REL: variants seen among roughly 807,000 people sequenced by gnomAD.
REL encodes the protein proto-oncogene c-Rel.
A neutral mutation model predicts 45.9 loss-of-function variants in REL; 15 were observed. That is an observed-to-expected ratio of 0.33 (90% CI 0.22 to 0.50). REL has a LOEUF of 0.50. Among genes scored for constraint, REL ranks in the 20% least tolerant of loss-of-function variants. REL has a pLI of 0.98. For synonymous variants in REL, 239 were observed against 242.1 expected (o/e 0.99, Z 0.12); for missense variants, 601 against 715.2 (o/e 0.84, Z 1.82).
Position 60,925,809 on chromosome 2 carries a change from C to G in REL, c.*3274C>G, listed in dbSNP as rs992018509. ...GGTTTTTTTCTTTAAACTAATTAAGCGTTGGCTACTTAGTATAAGTAAGTA... is the reference window on the plus strand; with the variant it reads ...GGTTTTTTTCTTTAAACTAATTAAGGGTTGGCTACTTAGTATAAGTAAGTA... On this transcript the variant is annotated 3_prime_UTR_variant, in exon 10 of 10. Transcript: ENST00000394479. The G allele has an allele frequency of 1.4e-5, 3 of 211,888 alleles. No homozygotes were observed. The highest frequency in any genetic ancestry group is 2.3e-5 in the African/African-American group (1 of 43,924). 13.1% of individuals were successfully genotyped at this position (211,888 alleles called of 1,614,324 possible).
intron 1 of REL, among the ~76,000 whole-genome samples, chr2:60,887,067 A>G (rs1421149447): frequency 6.6e-6 from 1 of 152,092 alleles, no homozygotes; most frequent in African/African-American, 2.4e-5. Flanking sequence ...TTTCCCTACA[A>G]TTTCCTGATT....
At chr2:60,904,116 T>C (rs1459156276) in intron 4 of REL, among the ~76,000 whole-genome samples, 3 of 151,746 alleles carry the variant, frequency 2.0e-5, no homozygotes, top group South Asian at 2.1e-4. Flanking sequence ...AATAAGAAAA[T>C]GGAAGCATAG....
rs1674165118 is a variant in REL at position 60,922,317 on chromosome 2, G to A, written c.1546G>A (p.Ala516Thr). 6 of 1,613,954 alleles carry A rather than the reference G, an allele frequency of 3.7e-6. No homozygotes were observed. The highest frequency in any genetic ancestry group is 2.7e-5 in the African/African-American group (2 of 74,906). The change falls in exon 10 of 10, where the codon GCC becomes ACC. Residue 516 changes from alanine to threonine, a missense_variant. Physicochemically the swap from Ala to Thr is moderately conservative, Grantham distance 58. Coordinates refer to ENST00000394479, the MANE Select transcript of REL (RefSeq NM_001291746.2). ...GTCCTCTTCCAGTATGTCAGCAGGC[G>A]CCAATTCCAATACTACTGTTTTTGT... ...QMSSSSMSAG[A>T]NSNTTVFVSQ...
chr2:60,899,769 G>A (rs1468074014), intron 3 of REL: 2 of 152,262 alleles, frequency 1.3e-5, no homozygotes, highest in Non-Finnish European at 2.9e-5. Flanking sequence ...GGTGGTGGTG[G>A]GGGAGTTCCC....
chr2:60,904,117 G>T (rs990564683), intron 4 of REL, among the ~76,000 whole-genome samples: 1 of 151,784 alleles, frequency 6.6e-6, no homozygotes, highest in Non-Finnish European at 1.5e-5. Context: ...ATAAGAAAAT[G>T]GAAGCATAGA....
intron 4 of REL, among the ~76,000 whole-genome samples, chr2:60,915,068 T>C (rs555852920): frequency 5.9e-5 from 9 of 151,780 alleles, no homozygotes; most frequent in Middle Eastern, 3.4e-3. Flanking sequence ...CCCAACCTCA[T>C]GATCCACCCA....
chr2:60,901,236 A>G (rs187649173), intron 4 of REL, among the ~76,000 whole-genome samples, 153 bp downstream of exon 4: 33 of 138,066 alleles, frequency 2.4e-4, no homozygotes, highest in Admixed American at 1.4e-3. Context: ...GCTCACTGCA[A>G]CCTCCGCCTC....
Position 60,924,245 on chromosome 2 carries a change from T to G in REL, c.*1710T>G, listed in dbSNP as rs539112824. The G allele has an allele frequency of 4.4e-6, 1 of 227,148 alleles. No individual in the cohort carries two copies. Among genetic ancestry groups the G allele is most frequent in the East Asian group, 6.3e-5 (1 of 15,832 alleles). 14.1% of individuals were successfully genotyped at this position (227,148 alleles called of 1,614,324 possible). On this transcript the variant is annotated 3_prime_UTR_variant, in exon 10 of 10. Transcript: ENST00000394479. ...AGCACTCACCACGATCTGACTTTAC[T>G]AAGTATTTATTCATTTACTGTTTGT...
In REL at chr2:60,922,148, G is replaced by A. The variant is rs550558143; in HGVS notation, c.1377G>A (p.Leu459=). The A allele has an allele frequency of 1.2e-6, 2 of 1,614,022 alleles. No homozygotes were observed. Among genetic ancestry groups the A allele is most frequent in the African/African-American group, 1.3e-5 (1 of 74,920 alleles). ...ATGGTATTTCTGATCCCAACATGCT[G>A]TCTAATTGTTCTGTGAATATGATGA... ...DLYGISDPNM[L]SNCSVNMMTT... is the part of the protein sequence containing the mutation. The change falls in exon 10 of 10, where the codon CTG becomes CTA. Residue 459 remains leucine (L), a synonymous_variant. Coordinates refer to ENST00000394479, the MANE Select transcript of REL (RefSeq NM_001291746.2).
rs1674325991 is a variant in REL, at chr2:60,928,820, A to G, written c.*6285A>G. ...AATGGCAACAAAAGCCAAAATTGAC[A>G]AATGGGATCTAATTAAACTAAAGAG... On this transcript the variant is annotated 3_prime_UTR_variant, in exon 10 of 10. Coordinates refer to ENST00000394479, the MANE Select transcript of REL (RefSeq NM_001291746.2). 1.3e-5 allele frequency: 2 copies of G among 149,592 alleles called. No individual in the cohort carries two copies. The allele number at this position is 149,592 out of a possible 1,614,324, so 9.3% of individuals were successfully genotyped here. A position where few individuals can be genotyped will look rare whatever the true frequency, so the allele number is the denominator to read the frequency against.
At chr2:60,902,526 C>A (rs571202973) in intron 4 of REL, among the ~76,000 whole-genome samples, 1 of 110,218 alleles carries the variant, frequency 9.1e-6, no homozygotes, top group African/African-American at 3.3e-5. Context: ...TCAATACTTA[C>A]AAATCTGTTT....
intron 4 of REL, among the ~76,000 whole-genome samples, chr2:60,905,771 C>G (rs1474146255): frequency 2.0e-5 from 3 of 152,114 alleles, no homozygotes; most frequent in African/African-American, 7.2e-5. Flanking sequence ...AAGCAGGTGA[C>G]TTGAAAGACA....
chr2:60,900,334 T>G (rs1458199847), intron 3 of REL: 1 of 152,386 alleles, frequency 6.6e-6, no homozygotes, highest in African/African-American at 2.4e-5. Flanking sequence ...CTTTACATTA[T>G]CAAACAGACT....
In REL at chr2:60,931,376, TTGAC is replaced by T. The variant is rs1487463112; in HGVS notation, c.*8845_*8848del. 1.3e-5 allele frequency: 2 copies of T among 152,358 alleles called. No individual in the cohort carries two copies. Among genetic ancestry groups the T allele is most frequent in the Non-Finnish European group, 2.9e-5 (2 of 68,036 alleles). 9.4% of individuals were successfully genotyped at this position (152,358 alleles called of 1,614,324 possible). ...GCAGAATACCAAAATCCTATTTTTTTTGACTGAGTATTTGTAGATGCTTAATGAC... is the reference window on the plus strand; with the variant it reads ...GCAGAATACCAAAATCCTATTTTTTTTGAGTATTTGTAGATGCTTAATGAC... On this transcript the variant is annotated 3_prime_UTR_variant, in exon 10 of 10. Transcript: ENST00000394479.
intron 4 of REL, among the ~76,000 whole-genome samples, chr2:60,909,437 G>A (rs1238738385): frequency 1.3e-5 from 2 of 151,828 alleles, no homozygotes; most frequent in Non-Finnish European, 2.9e-5. Context: ...TTTTCCTTAA[G>A]TGAGACTTAG....
At chr2:60,914,225 GC>G (rs1673896463) in intron 4 of REL, among the ~76,000 whole-genome samples, 1 of 152,206 alleles carries the variant, frequency 6.6e-6, no homozygotes, top group Non-Finnish European at 1.5e-5. Context: ...TAGAAAAGAA[GC>G]TTTGAGCTGG....
At chr2:60,888,748 C>T (rs1470894948) in intron 1 of REL, among the ~76,000 whole-genome samples, 1 of 152,156 alleles carries the variant, frequency 6.6e-6, no homozygotes, top group Non-Finnish European at 1.5e-5. Context: ...TATTCAGTAA[C>T]CCAAAGTAGA....
In REL at chr2:60,921,842, C is replaced by T. The variant is rs1674148846; in HGVS notation, c.1071C>T (p.Pro357=). 1 of 1,614,098 alleles carries T rather than the reference C, an allele frequency of 6.2e-7. No individual in the cohort carries two copies. The highest frequency in any genetic ancestry group is 8.5e-7 in the Non-Finnish European group (1 of 1,179,998). ...GVSSQAESYY[P]SPGPISSGLS... is the part of the protein sequence containing the mutation. ...CAAGTCAAGCAGAATCCTACTATCC[C>T]TCACCTGGGCCCATCTCAAGTGGAT... The change falls in exon 10 of 10, where the codon CCC becomes CCT. Residue 357 remains proline (P), a synonymous_variant. Transcript: ENST00000394479.
chr2:60,893,129 C>G (rs1397207117), intron 2 of REL, among the ~76,000 whole-genome samples: 2 of 152,104 alleles, frequency 1.3e-5, no homozygotes, highest in African/African-American at 4.8e-5. Flanking sequence ...CCTTTAAATG[C>G]CAATTAAAAA....
Sources: allele counts gnomAD v4.1 joint callset (sites outside exome capture counted in the v4.1 genomes callset), GRCh38; gene constraint gnomAD v4.1.1; transcripts MANE v1.5; gene names NCBI Gene and HGNC (gene_info 2026-07-23, HGNC 2026-07-21).